Variants in POM121 observed in about 807,000 individuals in gnomAD.
The protein encoded by POM121 is POM121 transmembrane nucleoporin.
A neutral mutation model predicts 81.3 loss-of-function variants in POM121; 32 were observed. That is an observed-to-expected ratio of 0.39 (90% CI 0.30 to 0.53). The LOEUF is 0.53. Ranked by LOEUF, POM121 falls within the 20% of genes least tolerant of loss-of-function variation. The pLI is 0.66. For missense variants in POM121, 1,138 were observed against 1,614.6 expected, an observed-to-expected ratio of 0.70 and a Z score of 5.06; for synonymous variants, 514 against 694.2, an observed-to-expected ratio of 0.74 and a Z score of 4.08.
intron 1 of POM121, among the ~76,000 whole-genome samples, chr7:72,882,859 T>C (rs1225331328): frequency 3.9e-5 from 6 of 152,228 alleles, no homozygotes; most frequent in African/African-American, 9.6e-5. Flanking sequence ...AGTGATTTAA[T>C]TGCAGTCAAA....
intron 3 of POM121, among the ~76,000 whole-genome samples, chr7:72,910,192 A>G (rs1370624459): frequency 6.6e-6 from 1 of 152,242 alleles, no homozygotes; most frequent in African/African-American, 2.4e-5. Flanking sequence ...ATGCGAAAAT[A>G]AAATATGAAA....
At chr7:72,926,603 C>A in intron 2 of POM121, 126 bp downstream of exon 2, 1 of 1,506,456 alleles carries the variant, frequency 6.6e-7, no homozygotes. Flanking sequence ...TGAGAAATAC[C>A]AAATTCTAGT....
chr7:72,927,026 G>T, intron 3 of POM121, 63 bp downstream of exon 3: 1 of 1,610,824 alleles, frequency 6.2e-7, no homozygotes. Context: ...ATGAGATGTA[G>T]ACATTCCCAT....
chr7:72,914,501 T>C (rs369455031), intron 4 of POM121, among the ~76,000 whole-genome samples: 1,523 of 152,126 alleles, frequency 0.01, 16 homozygotes, highest in African/African-American at 0.035. Context: ...CTTTTTTTTT[T>C]TTTTTTTAAC....
intron 3 of POM121, among the ~76,000 whole-genome samples, chr7:72,893,164 G>T (rs1791477206): frequency 6.6e-6 from 1 of 151,910 alleles, no homozygotes; most frequent in Non-Finnish European, 1.5e-5. Context: ...CAGTCTGTTG[G>T]CCAGGAGTTC....
chr7:72,949,818 G>A (rs1190155244), downstream of POM121: 18 of 1,278,736 alleles, frequency 1.4e-5, no homozygotes, highest in Non-Finnish European at 1.8e-5. Flanking sequence ...CAAACCCCAT[G>A]TCCTCCTCCT....
Position 72,945,684 on chromosome 7 carries a change from G to A in POM121, c.3628G>A (p.Gly1210Ser). ...SFGASSAPAQ[G>S]FVGVAPFGSA... ...TGGGGCATCCTCAGCACCCGCCCAA[G>A]GCTTTGTTGGTGTTGCACCTTTCGG... The change falls in exon 12 of 13, where the codon GGC becomes AGC. Residue 1210 changes from glycine (G) to serine (S), a missense_variant. Gly to Ser is a moderately conservative substitution (Grantham distance 56). Around this residue, in one of 7 missense-constraint regions of POM121, gnomAD observed 336 missense variants for 344.3 expected, o/e 0.98. Coordinates refer to ENST00000434423, the MANE Select transcript of POM121 (RefSeq NM_001387691.1). 2 of 1,611,854 alleles carry A rather than the reference G, an allele frequency of 1.2e-6. No individual in the cohort carries two copies. Among genetic ancestry groups the A allele is most frequent in the South Asian group, 2.2e-5 (2 of 90,758 alleles).
intron 1 of POM121, among the ~76,000 whole-genome samples, chr7:72,884,855 C>T (rs1554489838): frequency 6.6e-6 from 1 of 151,922 alleles, no homozygotes; most frequent in Non-Finnish European, 1.5e-5. Flanking sequence ...CTCATAAAAT[C>T]AAGAATATTC....
chr7:72,882,138 C>T (rs1163119320), intron 1 of POM121, among the ~76,000 whole-genome samples: 3 of 152,302 alleles, frequency 2.0e-5, no homozygotes, highest in South Asian at 4.1e-4. Context: ...TCCATTCTCA[C>T]ACTGCTATAG....
At chr7:72,899,859 G>A (rs536858629) in intron 3 of POM121, among the ~76,000 whole-genome samples, 19 of 152,098 alleles carry the variant, frequency 1.2e-4, no homozygotes, top group Admixed American at 4.6e-4. Flanking sequence ...GATTACAGGC[G>A]TGAGCCACCA....
At chr7:72,907,747 G>T (rs1311903335) in intron 3 of POM121, among the ~76,000 whole-genome samples, 2 of 152,198 alleles carry the variant, frequency 1.3e-5, no homozygotes, top group Non-Finnish European at 2.9e-5. Flanking sequence ...CTGACCTCAA[G>T]TGATCCTCCT....
intron 4 of POM121, among the ~76,000 whole-genome samples, chr7:72,914,407 A>T (rs1218038081): frequency 2.0e-5 from 3 of 151,962 alleles, no homozygotes; most frequent in African/African-American, 7.3e-5. Context: ...GTTTTTTGCC[A>T]CTATGTTTTG....
downstream of POM121, chr7:72,949,366 G>A (rs782243926): frequency 1.4e-5 from 12 of 837,212 alleles, no homozygotes; most frequent in African/African-American, 1.7e-5. Flanking sequence ...ACGATAGCGC[G>A]GATCTAAGGG....
chr7:72,898,299 G>T (rs1484646878), intron 3 of POM121, among the ~76,000 whole-genome samples: 4 of 152,082 alleles, frequency 2.6e-5, no homozygotes, highest in Non-Finnish European at 5.9e-5. Flanking sequence ...TCACTAAGTT[G>T]CCCAGGCTGG....
chr7:72,908,253 G>T (rs1353256938), intron 3 of POM121, among the ~76,000 whole-genome samples: 1 of 152,110 alleles, frequency 6.6e-6, no homozygotes, highest in Non-Finnish European at 1.5e-5. Context: ...TACAAAGAGA[G>T]AAATTTTTAA....
At chr7:72,884,970 A>G (rs1790567928) in intron 1 of POM121, among the ~76,000 whole-genome samples, 1 of 152,064 alleles carries the variant, frequency 6.6e-6, no homozygotes, top group Non-Finnish European at 1.5e-5. Flanking sequence ...ATTTTCCAAT[A>G]ATTTCCTTTA....
chr7:72,911,633 T>G (rs1197492355), intron 3 of POM121, among the ~76,000 whole-genome samples: 1 of 152,192 alleles, frequency 6.6e-6, no homozygotes, highest in African/African-American at 2.4e-5. Context: ...TTTCGTCTGT[T>G]CACTGGGGCC....
intron 3 of POM121, among the ~76,000 whole-genome samples, chr7:72,907,146 A>T (rs1402398792): frequency 6.6e-6 from 1 of 152,094 alleles, no homozygotes; most frequent in African/African-American, 2.4e-5. Context: ...TCAATTCAGT[A>T]TGCCATTTAG....
intron 3 of POM121, among the ~76,000 whole-genome samples, chr7:72,892,639 C>CCCTCCCTT (rs1318260479): frequency 1.3e-5 from 2 of 151,314 alleles, no homozygotes; most frequent in Non-Finnish European, 2.9e-5. Flanking sequence ...TCTCTTCCCT[C>CCCTCCCTT]CCTCCCTTCC....
Sources: allele counts gnomAD v4.1 joint callset (sites outside exome capture counted in the v4.1 genomes callset), GRCh38; gene constraint gnomAD v4.1.1; regional missense constraint gnomAD v4.1.1; transcripts MANE v1.5; gene names NCBI Gene and HGNC (gene_info 2026-07-23, HGNC 2026-07-21).